Variants in SH3RF3 observed in about 807,000 individuals in gnomAD.
SH3RF3 encodes the protein E3 ubiquitin-protein ligase SH3RF3.
Under a neutral mutation model 66.3 loss-of-function variants are expected in SH3RF3, and 29 were observed. The ratio of observed to expected loss-of-function variants is 0.44; its 90% confidence interval spans 0.33 to 0.60. The LOEUF is 0.60. Among genes scored for constraint, SH3RF3 ranks in the 20% least tolerant of loss-of-function variants. The pLI is 0.04. For synonymous variants in SH3RF3, 583 were observed against 532.0 expected (o/e 1.10, Z -1.32); for missense variants, 1,194 against 1,190.9 (o/e 1.00, Z -0.04).
chr2:109,243,493 A>G (rs1679836644), intron 1 of SH3RF3, among the ~76,000 whole-genome samples: 1 of 152,218 alleles, frequency 6.6e-6, no homozygotes. Context: ...GCCAATGAAC[A>G]GGAAATGCTC....
rs140509870 is a variant in SH3RF3, at chr2:109,143,288, A to C, written c.573+13175A>C. Among the ~76,000 whole-genome samples, 3 of 152,338 alleles carry C rather than the reference A, an allele frequency of 2.0e-5. No individual in the cohort carries two copies. In the East Asian group the frequency reaches 5.8e-4, roughly 29 times the overall value. On this transcript the variant is annotated intron_variant, in intron 1 of 9. Coordinates refer to ENST00000309415, the MANE Select transcript of SH3RF3 (RefSeq NM_001099289.3). ...GGAACTCATTAAGTAAGTATCGTGAAACTGAGGCTTGGAGGACCATAGTTT... is the reference window on the plus strand; with the variant it reads ...GGAACTCATTAAGTAAGTATCGTGACACTGAGGCTTGGAGGACCATAGTTT...
chr2:109,215,698 C>G (rs1382286940), intron 1 of SH3RF3, among the ~76,000 whole-genome samples: 2 of 152,200 alleles, frequency 1.3e-5, no homozygotes, highest in African/African-American at 4.8e-5. Flanking sequence ...ATCCTACACC[C>G]AGACCGTGTG....
In SH3RF3 at chr2:109,328,640, C is replaced by A. The variant is rs550449459; in HGVS notation, c.574-19034C>A. Among the ~76,000 whole-genome samples, 50 of 152,254 alleles carry A rather than the reference C, an allele frequency of 3.3e-4. No homozygotes were observed. In the South Asian group the frequency reaches 8.5e-3, roughly 26 times the overall value. The stretch of plus-strand genomic sequence containing the variant: ...TATCCAGGATGCCTAGGTCATGGTA[C>A]TGATATAGGAAGGGAATTCCAGAAA... On this transcript the variant is annotated intron_variant, in intron 1 of 9. Coordinates refer to ENST00000309415, the MANE Select transcript of SH3RF3 (RefSeq NM_001099289.3).
At chr2:109,183,996 T>A (rs888870840) in intron 1 of SH3RF3, among the ~76,000 whole-genome samples, 1 of 152,182 alleles carries the variant, frequency 6.6e-6, no homozygotes, top group African/African-American at 2.4e-5. Context: ...TGGAGCCCTG[T>A]GGTCCTTAGT....
chr2:109,342,507 G>A (rs1027214148), intron 1 of SH3RF3, among the ~76,000 whole-genome samples: 2 of 152,220 alleles, frequency 1.3e-5, no homozygotes, highest in Non-Finnish European at 2.9e-5. Flanking sequence ...CGTGACAAGT[G>A]CTCTCCTTGA....
chr2:109,276,544 G>A (rs978639971), intron 1 of SH3RF3, among the ~76,000 whole-genome samples: 2 of 152,200 alleles, frequency 1.3e-5, no homozygotes, highest in Non-Finnish European at 2.9e-5. Flanking sequence ...GAAAGTAGAT[G>A]TAATAGTAAC....
chr2:109,330,296 C>G (rs946383092), intron 1 of SH3RF3, among the ~76,000 whole-genome samples: 1 of 152,056 alleles, frequency 6.6e-6, no homozygotes, highest in African/African-American at 2.4e-5. Flanking sequence ...GATGTTATTG[C>G]GAAACTAAAG....
intron 8 of SH3RF3, among the ~76,000 whole-genome samples, chr2:109,483,331 C>T (rs1678883249): frequency 6.6e-6 from 1 of 152,226 alleles, no homozygotes; most frequent in Admixed American, 6.5e-5. Flanking sequence ...TTCCTGCAAG[C>T]CCCAGTGGTG....
chr2:109,358,643 T>C (rs970693980), intron 2 of SH3RF3, among the ~76,000 whole-genome samples: 4 of 152,206 alleles, frequency 2.6e-5, no homozygotes, highest in African/African-American at 7.2e-5. Context: ...TGTTTTCTTG[T>C]TGTTGAGTTT....
At chr2:109,229,973 C>T (rs78514006) in intron 1 of SH3RF3, among the ~76,000 whole-genome samples, 13,383 of 151,664 alleles carry the variant, frequency 0.088, 1,068 homozygotes, top group East Asian at 0.31. Flanking sequence ...TACAGGCGCA[C>T]GCCAGTATGC....
chr2:109,374,452 ATCGGAAAG>A (rs1683338890), intron 3 of SH3RF3, among the ~76,000 whole-genome samples: 1 of 152,216 alleles, frequency 6.6e-6, no homozygotes, highest in Non-Finnish European at 1.5e-5. Context: ...ATCCTGGTGG[ATCGGAAAG>A]TCCTGGTTTG....
intron 8 of SH3RF3, among the ~76,000 whole-genome samples, chr2:109,469,719 G>T (rs1000511618): frequency 2.6e-5 from 4 of 152,128 alleles, no homozygotes; most frequent in African/African-American, 9.7e-5. Context: ...CTGGCAGAAC[G>T]CTGAAAAGCT....
At chr2:109,456,523 G>GGGGC (rs1678063534) in intron 8 of SH3RF3, among the ~76,000 whole-genome samples, 1 of 152,222 alleles carries the variant, frequency 6.6e-6, no homozygotes. Context: ...GGCCCTCAGT[G>GGGGC]GGGCAGGGCA....
intron 1 of SH3RF3, among the ~76,000 whole-genome samples, chr2:109,164,162 C>T (rs1305581268): frequency 6.6e-6 from 1 of 152,012 alleles, no homozygotes; most frequent in Admixed American, 6.6e-5. Flanking sequence ...AACTCTGATG[C>T]CTCTCTCTTT....
intron 3 of SH3RF3, among the ~76,000 whole-genome samples, chr2:109,384,117 G>C (rs1280447828): frequency 6.6e-6 from 1 of 152,164 alleles, no homozygotes; most frequent in African/African-American, 2.4e-5. Flanking sequence ...TCCCACTGCT[G>C]GGCAGGGCAG....
In SH3RF3 at chr2:109,449,232, C is replaced by T; in HGVS notation, c.1891C>T (p.Gln631Ter). ...PTATVSPLRT[Q>*]NSPSRLPATS... is the part of the protein sequence containing the mutation. ...TGCCACCGTGTCACCCCTGCGCACC[C>T]AGAACTCTCCATCCCGCCTGCCTGC... The change falls in exon 8 of 10, where the codon CAG (glutamine) becomes TAG (stop). Residue 631 changes from glutamine (Q) to a stop codon, truncating the protein, a stop_gained. Transcript: ENST00000309415. LOFTEE classifies it high-confidence loss of function. The T allele has an allele frequency of 6.2e-7, 1 of 1,613,384 alleles. No homozygotes were observed. The highest frequency in any genetic ancestry group is 8.5e-7 in the Non-Finnish European group (1 of 1,179,736).
intron 5 of SH3RF3, among the ~76,000 whole-genome samples, chr2:109,422,260 C>T (rs73955585): frequency 5.2e-4 from 79 of 152,346 alleles, no homozygotes; most frequent in African/African-American, 1.9e-3. Context: ...GGACTCCAGC[C>T]AGGGCCCAGA....
chr2:109,185,833 G>T (rs1247640197), intron 1 of SH3RF3, among the ~76,000 whole-genome samples: 1 of 152,246 alleles, frequency 6.6e-6, no homozygotes, highest in Non-Finnish European at 1.5e-5. Context: ...GAGAAATGAG[G>T]CGACAGTGTC....
chr2:109,349,474 C>T (rs574559527), intron 2 of SH3RF3, among the ~76,000 whole-genome samples: 10 of 152,246 alleles, frequency 6.6e-5, no homozygotes, highest in African/African-American at 2.4e-4. Flanking sequence ...ACACAGAAAC[C>T]CAACTTGCTT....
Sources: allele counts gnomAD v4.1 joint callset (sites outside exome capture counted in the v4.1 genomes callset), GRCh38; gene constraint gnomAD v4.1.1; transcripts MANE v1.5; gene names NCBI Gene and HGNC (gene_info 2026-07-23, HGNC 2026-07-21).